The following ACTR2 variants were observed in gnomAD, a reference collection of about 807,000 sequenced individuals.
ACTR2 encodes the protein actin related protein 2, also known as actin-related protein 2.
Under a neutral mutation model 50.2 loss-of-function variants are expected in ACTR2, and 5 were observed. The observed-to-expected ratio is 0.10, with a 90% CI of 0.05 to 0.21. ACTR2 has a LOEUF of 0.21. Ranked by LOEUF, ACTR2 falls within the 10% of genes least tolerant of loss-of-function variation. ACTR2 has a pLI of 1.00. For missense variants in ACTR2, 180 were observed against 480.6 expected (o/e 0.37, Z 5.85); for synonymous variants, 140 against 162.9 (o/e 0.86, Z 1.07).
chr2:65,227,924 C>T lies in ACTR2; in HGVS notation c.15C>T (p.Gly5=), dbSNP rs754192050. The change falls in exon 1 of 9, where the codon GGC becomes GGT. Residue 5 remains glycine, a synonymous_variant. Transcript: ENST00000260641. MDSQ[G]RKVVVCDNGT... Reference sequence around the variant, plus strand: ...CTGGGCGGACGATGGACAGCCAGGGCAGGAAGGTGGTGGTGTGCGACAACG... The same window carrying T: ...CTGGGCGGACGATGGACAGCCAGGGTAGGAAGGTGGTGGTGTGCGACAACG... 1 of 1,525,998 alleles carries T rather than the reference C, an allele frequency of 6.6e-7. No homozygotes were observed. The highest frequency in any genetic ancestry group is 8.8e-7 in the Non-Finnish European group (1 of 1,137,542). 94.5% of individuals were successfully genotyped at this position (1,525,998 alleles called of 1,614,324 possible). A position where few individuals can be genotyped will look rare whatever the true frequency, so the allele number is the denominator to read the frequency against.
At chr2:65,253,118 A>C (rs1438136020) in intron 4 of ACTR2, among the ~76,000 whole-genome samples, 1 of 152,126 alleles carries the variant, frequency 6.6e-6, no homozygotes, top group African/African-American at 2.4e-5. Context: ...ATCTAAGTTG[A>C]AAAAAATAAA....
chr2:65,267,254 TG>T lies in ACTR2; in HGVS notation c.1015-1307del, dbSNP rs534257354. On this transcript the variant is annotated intron_variant, in intron 8 of 8. Transcript: ENST00000260641. ...GTTACCTGTTGTCACATATTGTCTG[TG>T]GGCACCTTCTAGCTACATGTGGGGT... 2.6e-5 allele frequency among the ~76,000 whole-genome samples: 4 copies of T among 152,278 alleles called. No homozygotes were observed. In the South Asian group the frequency reaches 8.3e-4, roughly 32 times the overall value.
intron 1 of ACTR2, among the ~76,000 whole-genome samples, chr2:65,234,381 T>C (rs1271468890): frequency 2.0e-5 from 3 of 152,220 alleles, no homozygotes; most frequent in Non-Finnish European, 4.4e-5. Context: ...AGCAGAATAG[T>C]TTTATTAATA....
chr2:65,260,222 A>T (rs1439019686), intron 6 of ACTR2, among the ~76,000 whole-genome samples: 1 of 152,212 alleles, frequency 6.6e-6, no homozygotes, highest in African/African-American at 2.4e-5. Flanking sequence ...AAAATGTTTA[A>T]TGTGGCTAGG....
chr2:65,228,225 G>A, intron 1 of ACTR2: 1 of 371,848 alleles, frequency 2.7e-6, no homozygotes, highest in Non-Finnish European at 4.8e-6. Flanking sequence ...CCTACTGACC[G>A]CCCGGCAGGG....
intron 8 of ACTR2, among the ~76,000 whole-genome samples, chr2:65,267,359 A>G (rs536557618): frequency 6.6e-6 from 1 of 152,364 alleles, no homozygotes; most frequent in East Asian, 1.9e-4. Context: ...TGTAAGAGCA[A>G]GAAAGTAAAA....
chr2:65,256,453 C>G (rs1481040911), intron 6 of ACTR2, among the ~76,000 whole-genome samples: 1 of 151,980 alleles, frequency 6.6e-6, no homozygotes, highest in Non-Finnish European at 1.5e-5. Context: ...CATCTTTGAT[C>G]TAGTTATTAC....
At chr2:65,261,148 G>C in intron 6 of ACTR2, 99 bp from the exon 7 acceptor site, 2 of 1,143,954 alleles carry the variant, frequency 1.7e-6, no homozygotes, top group Non-Finnish European at 2.5e-6. Context: ...TAATGATTTT[G>C]GTTACAGAAC....
chr2:65,258,449 G>A (rs1177485279), intron 6 of ACTR2, among the ~76,000 whole-genome samples: 1 of 151,922 alleles, frequency 6.6e-6, no homozygotes, highest in Non-Finnish European at 1.5e-5. Flanking sequence ...GTAGTGGCAC[G>A]TGCCTGTAGT....
intron 7 of ACTR2, 133 bp from the exon 8 acceptor site, chr2:65,264,910 C>A: frequency 1.0e-6 from 1 of 967,118 alleles, no homozygotes; most frequent in Admixed American, 2.1e-5. Flanking sequence ...AGCAAATATT[C>A]AGCCCTGTGA....
intron 2 of ACTR2, among the ~76,000 whole-genome samples, chr2:65,240,232 T>C (rs1007437496): frequency 8.4e-4 from 128 of 152,240 alleles, no homozygotes; most frequent in African/African-American, 2.9e-3. Context: ...TGAAACGCTG[T>C]GTTAGTGACT....
chr2:65,254,537 C>T (rs1672111819), intron 5 of ACTR2, among the ~76,000 whole-genome samples: 1 of 151,988 alleles, frequency 6.6e-6, no homozygotes, highest in Non-Finnish European at 1.5e-5. Flanking sequence ...ATTGTTTATA[C>T]CACAATTCTA....
At chr2:65,244,799 T>G (rs1457654332) in intron 2 of ACTR2, among the ~76,000 whole-genome samples, 2 of 151,770 alleles carry the variant, frequency 1.3e-5, no homozygotes, top group Non-Finnish European at 2.9e-5. Context: ...AATACAAGAA[T>G]TAGCTGGGCA....
At chr2:65,262,961 GTC>G (rs1672298576) in intron 7 of ACTR2, among the ~76,000 whole-genome samples, 1 of 149,594 alleles carries the variant, frequency 6.7e-6, no homozygotes, top group Non-Finnish European at 1.5e-5. Context: ...GTGAGACCCT[GTC>G]TCTCCCCACC....
intron 1 of ACTR2, among the ~76,000 whole-genome samples, chr2:65,237,076 A>G (rs117660502): frequency 1.3e-5 from 2 of 152,234 alleles, no homozygotes; most frequent in Non-Finnish European, 2.9e-5. Flanking sequence ...TGTACCTATT[A>G]TGTGCCAGAC....
At chr2:65,242,059 A>G in intron 2 of ACTR2, 2 of 1,606,128 alleles carry the variant, frequency 1.2e-6, no homozygotes, top group South Asian at 1.1e-5. Flanking sequence ...AATAACAAAA[A>G]GATGGTAAGT....
At chr2:65,263,073 G>A (rs964850844) in intron 7 of ACTR2, among the ~76,000 whole-genome samples, 1 of 151,074 alleles carries the variant, frequency 6.6e-6, no homozygotes, top group Non-Finnish European at 1.5e-5. Context: ...ATAGAGTCTC[G>A]CTCTGTCGCC....
chr2:65,263,175 C>T (rs545775289), intron 7 of ACTR2, among the ~76,000 whole-genome samples: 2 of 150,650 alleles, frequency 1.3e-5, no homozygotes, highest in East Asian at 1.9e-4. Flanking sequence ...GAATTGCAGA[C>T]GTGAGCCACC....
rs1477010232 is a variant in ACTR2 at position 65,247,415 on chromosome 2, C to T, written c.375+676C>T. Among the ~76,000 whole-genome samples, 3 of 151,884 alleles carry T rather than the reference C, an allele frequency of 2.0e-5. 1 individual carries two copies. Among genetic ancestry groups the T allele is most frequent in the Non-Finnish European group, 4.4e-5 (3 of 67,996 alleles). On this transcript the variant is annotated intron_variant, in intron 3 of 8. Coordinates refer to ENST00000260641, the MANE Select transcript of ACTR2 (RefSeq NM_005722.4). ...CATCCTGGCTAACACAGTGAAACTCCGTCTCTACTAAAAATACAAAAAATT... is the reference window on the plus strand; with the variant it reads ...CATCCTGGCTAACACAGTGAAACTCTGTCTCTACTAAAAATACAAAAAATT...
Sources: gnomAD v4.1 joint callset for allele counts (sites outside exome capture counted in the v4.1 genomes callset) on GRCh38, gnomAD v4.1.1 for gene constraint, MANE v1.5 for transcripts, NCBI Gene and HGNC (gene_info 2026-07-23, HGNC 2026-07-21) for gene names.